ZNF562: variants seen among roughly 807,000 people sequenced by gnomAD.
ZNF562 encodes the protein zinc finger protein 562.
Under a neutral mutation model 17.5 loss-of-function variants are expected in ZNF562, and 13 were observed. The observed-to-expected ratio is 0.74, with a 90% confidence interval of 0.48 to 1.18. The LOEUF is 1.18. Ranked by LOEUF, ZNF562 falls within the 50% of genes most tolerant of loss-of-function variation. ZNF562 has a pLI of 0.00. For synonymous variants in ZNF562, 163 were observed against 165.4 expected, an observed-to-expected ratio of 0.99 and a Z score of 0.11; for missense variants, 481 against 498.5, an observed-to-expected ratio of 0.96 and a Z score of 0.33.
chr19:9,660,354 C>T (rs1395140787), intron 2 of ZNF562, among the ~76,000 whole-genome samples: 2 of 152,052 alleles, frequency 1.3e-5, no homozygotes, highest in South Asian at 2.1e-4. Context: ...CAGCCAGGCA[C>T]GGTGGCTCAT....
intron 1 of ZNF562, among the ~76,000 whole-genome samples, chr19:9,666,868 G>A (rs2043976676): frequency 6.6e-6 from 1 of 152,040 alleles, no homozygotes; most frequent in East Asian, 1.9e-4. Context: ...CAAGATCAAA[G>A]TGATAACAAA....
chr19:9,658,947 T>C (rs2043621762), intron 3 of ZNF562, among the ~76,000 whole-genome samples: 1 of 152,192 alleles, frequency 6.6e-6, no homozygotes, highest in Non-Finnish European at 1.5e-5. Flanking sequence ...CATGAGCCAC[T>C]GCACACTGCT....
At chr19:9,658,230 C>T (rs3207339) in intron 3 of ZNF562, 95 bp from the exon 4 acceptor site, 140 of 1,449,388 alleles carry the variant, frequency 9.7e-5, no homozygotes, top group African/African-American at 1.3e-4. Context: ...CTCACTTATA[C>T]GTGGTTCTCA....
At chr19:9,656,900 C>G (rs572701500) in intron 4 of ZNF562, among the ~76,000 whole-genome samples, 1 of 142,234 alleles carries the variant, frequency 7.0e-6, no homozygotes, top group Non-Finnish European at 1.5e-5. Context: ...ATTAGCCGGG[C>G]GCGTTGGCAT....
chr19:9,661,195 G>C (rs781756495), intron 1 of ZNF562, among the ~76,000 whole-genome samples: 4 of 152,058 alleles, frequency 2.6e-5, no homozygotes, highest in Non-Finnish European at 5.9e-5. Flanking sequence ...TGTTGCCCAG[G>C]TTTAAGTACA....
At chr19:9,670,365 G>GAT (rs2044144133) in intron 1 of ZNF562, among the ~76,000 whole-genome samples, 2 of 152,168 alleles carry the variant, frequency 1.3e-5, no homozygotes, top group Non-Finnish European at 2.9e-5. Context: ...TATTTGAAAA[G>GAT]ATATATATAC....
chr19:9,655,712 T>C (rs149725077), intron 5 of ZNF562, among the ~76,000 whole-genome samples: 3,888 of 133,108 alleles, frequency 0.029, 199 homozygotes, highest in African/African-American at 0.11. Context: ...CACTTTCTTT[T>C]CTTTCTTTTT....
At chr19:9,662,475 T>C (rs1295250306) in intron 1 of ZNF562, among the ~76,000 whole-genome samples, 2 of 151,658 alleles carry the variant, frequency 1.3e-5, no homozygotes, top group Non-Finnish European at 2.9e-5. Context: ...GGCAGGAGAA[T>C]TGCTTGATCC....
In ZNF562 at chr19:9,652,614, G is replaced by A. The variant is rs965100639; in HGVS notation, c.*335C>T. On this transcript the variant is annotated 3_prime_UTR_variant, in exon 6 of 6. Transcript: ENST00000453372. The stretch of plus-strand genomic sequence containing the variant: ...ATGCCCAGACTCAGGTAACCATGAT[G>A]TTGTATTCAGAACCTGTAGGTTTAA... 1 of 186,874 alleles carries A rather than the reference G, an allele frequency of 5.4e-6. No homozygotes were observed. Among genetic ancestry groups the A allele is most frequent in the African/African-American group, 2.4e-5 (1 of 42,552 alleles). The allele number at this position is 186,874 out of a possible 1,614,324, so 11.6% of individuals were successfully genotyped here.
At chr19:9,654,854 G>A (rs2043402126) in intron 5 of ZNF562, among the ~76,000 whole-genome samples, 1 of 152,086 alleles carries the variant, frequency 6.6e-6, no homozygotes, top group African/African-American at 2.4e-5. Context: ...TTACAGCCAT[G>A]AGCTACCAAG....
chr19:9,653,916 G>C, intron 5 of ZNF562, 35 bp from the exon 6 acceptor site: 9 of 1,488,772 alleles, frequency 6.0e-6, no homozygotes, highest in Non-Finnish European at 8.0e-6. Context: ...AATGTTTTCA[G>C]ACATATTAAG....
In ZNF562 at chr19:9,648,972, A is replaced by G. The variant is rs191013639; in HGVS notation, c.*3977T>C. 15 of 152,354 alleles carry G rather than the reference A, an allele frequency of 9.8e-5. No individual in the cohort carries two copies. Among genetic ancestry groups the G allele is most frequent in the African/African-American group, 3.6e-4 (15 of 41,588 alleles). The allele number at this position is 152,354 out of a possible 1,614,324, so 9.4% of individuals were successfully genotyped here. A position where few individuals can be genotyped will look rare whatever the true frequency, so the allele number is the denominator to read the frequency against. ...TTCATCATGTAAAAACTGGATATAA[A>G]GAAAAAACTTTTCCTGCAGGACATT... is the stretch of plus-strand genomic sequence containing the variant. On this transcript the variant is annotated 3_prime_UTR_variant, in exon 6 of 6. Coordinates refer to ENST00000453372, the MANE Select transcript of ZNF562 (RefSeq NM_001130031.2).
At position 9,652,450 on chromosome 19, in the gene ZNF562, C is replaced by G; in HGVS notation, c.*499G>C. ...GACATGAATGTGCCACACTGGCAGC[C>G]ACTAACCAACAGGGGCTGGGATCAA... On this transcript the variant is annotated 3_prime_UTR_variant, in exon 6 of 6. Coordinates refer to ENST00000453372, the MANE Select transcript of ZNF562 (RefSeq NM_001130031.2). The G allele has an allele frequency of 6.6e-6, 1 of 152,352 alleles. No homozygotes were observed. Among genetic ancestry groups the G allele is most frequent in the South Asian group, 2.1e-4 (1 of 4,822 alleles). The allele number at this position is 152,352 out of a possible 1,614,324, so 9.4% of individuals were successfully genotyped here.
intron 3 of ZNF562, 151 bp from the exon 4 acceptor site, chr19:9,658,286 G>A: frequency 2.0e-6 from 2 of 985,394 alleles, no homozygotes; most frequent in Non-Finnish European, 2.4e-6. Context: ...AGGAGCTCTT[G>A]TGTCTAAACA....
intron 2 of ZNF562, among the ~76,000 whole-genome samples, chr19:9,660,281 A>T (rs1207878755): frequency 6.6e-6 from 1 of 151,704 alleles, no homozygotes; most frequent in Non-Finnish European, 1.5e-5. Flanking sequence ...AATAAATAAA[A>T]ATATGAATAA....
intron 1 of ZNF562, among the ~76,000 whole-genome samples, chr19:9,670,671 G>A (rs1454836632): frequency 2.6e-5 from 4 of 152,082 alleles, no homozygotes; most frequent in African/African-American, 7.2e-5. Context: ...AGGCCAGAAG[G>A]GTAGGAAGGA....
intron 1 of ZNF562, among the ~76,000 whole-genome samples, chr19:9,669,734 G>GCA (rs71188835): frequency 0.1 from 11,299 of 108,868 alleles, 660 homozygotes; most frequent in Middle Eastern, 0.16. Flanking sequence ...GCGCGCGCGC[G>GCA]CACACACACA....
rs956868991 is a variant in ZNF562 at position 9,645,914 on chromosome 19, G to T, written c.*7035C>A. The stretch of plus-strand genomic sequence containing the variant: ...ACATCAAGAATAAAATAAATTAAAG[G>T]TATGATCAATACACATCAGTACAAA... On this transcript the variant is annotated 3_prime_UTR_variant, in exon 6 of 6. Transcript: ENST00000453372. 2.0e-5 allele frequency: 3 copies of T among 151,960 alleles called. No homozygotes were observed. The East Asian group carries it at 5.8e-4, about 29-fold the overall frequency. The allele number at this position is 151,960 out of a possible 1,614,324, so 9.4% of individuals were successfully genotyped here.
chr19:9,669,773 CACAA>C lies in ZNF562; in HGVS notation c.-131+5238_-131+5241del, dbSNP rs1479398196. Among the ~76,000 whole-genome samples the C allele has an allele frequency of 2.0e-3, 301 of 150,168 alleles. 1 individual carries two copies. Among genetic ancestry groups the C allele is most frequent in the African/African-American group, 6.8e-3 (276 of 40,440 alleles). On this transcript the variant is annotated intron_variant, in intron 1 of 5. Coordinates refer to ENST00000453372, the MANE Select transcript of ZNF562 (RefSeq NM_001130031.2). ...ACACACACACACACACACACACACA[CACAA>C]CCAGTCAGGGACAGTAGCTCATGCC...
Sources: allele counts gnomAD v4.1 joint callset (sites outside exome capture counted in the v4.1 genomes callset), GRCh38; gene constraint gnomAD v4.1.1; transcripts MANE v1.5; gene names NCBI Gene and HGNC (gene_info 2026-07-23, HGNC 2026-07-21).